CDH4: variants seen among roughly 807,000 people sequenced by gnomAD.
The protein encoded by CDH4 is cadherin-4.
Under a neutral mutation model 86.0 loss-of-function variants are expected in CDH4, and 33 were observed. The ratio of observed to expected loss-of-function variants is 0.38; its 90% CI spans 0.29 to 0.51. The LOEUF (loss-of-function observed/expected upper bound fraction) is 0.51, where lower values mean the gene tolerates loss of function less well. Ranked by LOEUF, CDH4 falls within the 20% of genes least tolerant of loss-of-function variation. The pLI is 0.86. For synonymous variants in CDH4, 555 were observed against 549.4 expected, an observed-to-expected ratio of 1.01 and a Z score of -0.14; for missense variants, 1,114 against 1,307.4, an observed-to-expected ratio of 0.85 and a Z score of 2.28.
At chr20:61,274,259 A>T (rs1318697365) in intron 2 of CDH4, among the ~76,000 whole-genome samples, 1 of 115,712 alleles carries the variant, frequency 8.6e-6, no homozygotes, top group Non-Finnish European at 1.6e-5. Flanking sequence ...AGTTTGGGGG[A>T]GTACCATGTG....
At chr20:61,750,529 C>T (rs2088479687) in intron 3 of CDH4, among the ~76,000 whole-genome samples, 1 of 152,172 alleles carries the variant, frequency 6.6e-6, no homozygotes, top group African/African-American at 2.4e-5. Flanking sequence ...CCCAAGCTGT[C>T]AGGAAAAATT....
intron 2 of CDH4, among the ~76,000 whole-genome samples, chr20:61,296,688 G>A (rs2427045): frequency 0.79 from 120,570 of 152,116 alleles, 49,002 homozygotes; most frequent in Non-Finnish European, 0.88. Flanking sequence ...ACACGAAACT[G>A]GTGTCCCAGG....
At position 61,546,505 on chromosome 20, in the gene CDH4, C is replaced by G. The variant is rs1328384765; in HGVS notation, c.170-197058C>G. Among the ~76,000 whole-genome samples the G allele has an allele frequency of 3.3e-5, 5 of 151,780 alleles. No individual in the cohort carries two copies. In the East Asian group the frequency reaches 9.8e-4, roughly 30 times the overall value. On this transcript the variant is annotated intron_variant, in intron 2 of 15. Coordinates refer to ENST00000614565, the MANE Select transcript of CDH4 (RefSeq NM_001794.5). ...CTCGCAACATTTTGTAAAGGCCTCGCCTCAAGCACTTCCTTAACTCAACTC... is the reference window on the plus strand; with the variant it reads ...CTCGCAACATTTTGTAAAGGCCTCGGCTCAAGCACTTCCTTAACTCAACTC...
intron 2 of CDH4, among the ~76,000 whole-genome samples, chr20:61,673,781 G>A (rs908940123): frequency 2.6e-5 from 4 of 152,166 alleles, no homozygotes; most frequent in African/African-American, 9.7e-5. Flanking sequence ...TGCCCACAGA[G>A]CAAATAACAC....
rs2055011285 is a variant in CDH4, at chr20:61,923,681, C to G, written c.1605C>G (p.Asp535Glu). Reference sequence around the variant, plus strand: ...CCACGTTTTCAGCTGTGGACCCTGACCGGTTCATGCAGCAGGCTGTGAGGT... The same window carrying G: ...CCACGTTTTCAGCTGTGGACCCTGAGCGGTTCATGCAGCAGGCTGTGAGGT... ...VLTTFSAVDP[D>E]RFMQQAVRYS... The change falls in exon 10 of 16, where the codon GAC becomes GAG. Residue 535 changes from aspartate to glutamate, a missense_variant. Physicochemically the swap from Asp to Glu is conservative, Grantham distance 45. Transcript: ENST00000614565. 1 of 1,613,724 alleles carries G rather than the reference C, an allele frequency of 6.2e-7. No individual in the cohort carries two copies. Among genetic ancestry groups the G allele is most frequent in the African/African-American group, 1.3e-5 (1 of 74,948 alleles).
intron 2 of CDH4, among the ~76,000 whole-genome samples, chr20:61,563,235 C>G (rs2086235563): frequency 6.6e-6 from 1 of 152,242 alleles, no homozygotes; most frequent in African/African-American, 2.4e-5. Context: ...AGTCCCCTTG[C>G]CGGCTCCAGG....
intron 2 of CDH4, among the ~76,000 whole-genome samples, chr20:61,452,935 AAC>A (rs2085388484): frequency 6.6e-6 from 1 of 152,210 alleles, no homozygotes; most frequent in African/African-American, 2.4e-5. Context: ...TTCTTATAAT[AAC>A]ACACTTAATA....
intron 2 of CDH4, among the ~76,000 whole-genome samples, chr20:61,576,604 C>T (rs116645294): frequency 0.029 from 4,470 of 152,270 alleles, 208 homozygotes; most frequent in African/African-American, 0.093. Context: ...CTATCCCTCA[C>T]GTGAGGCAGA....
intron 2 of CDH4, among the ~76,000 whole-genome samples, chr20:61,664,452 G>A (rs1374804208): frequency 6.6e-6 from 1 of 152,204 alleles, no homozygotes; most frequent in Admixed American, 6.5e-5. Context: ...TGAACACCGC[G>A]GCCTTTGCAG....
At chr20:61,866,392 T>C (rs1345430582) in intron 6 of CDH4, among the ~76,000 whole-genome samples, 1 of 152,206 alleles carries the variant, frequency 6.6e-6, no homozygotes, top group African/African-American at 2.4e-5. Context: ...GTTTTGTGTA[T>C]GCACAGCTAA....
chr20:61,265,925 G>A (rs1349758905), intron 2 of CDH4, among the ~76,000 whole-genome samples: 2 of 152,218 alleles, frequency 1.3e-5, no homozygotes, highest in Admixed American at 6.5e-5. Flanking sequence ...GTCCCTTGTG[G>A]GTCCTGAGGT....
In CDH4 at chr20:61,480,281, C is replaced by G. The variant is rs1310323823; in HGVS notation, c.169+225344C>G. On this transcript the variant is annotated intron_variant, in intron 2 of 15. Transcript: ENST00000614565. The surrounding 1 kb of genome is among the most constrained non-coding windows in gnomAD (Gnocchi z 5.2). ...GCCTGGAAACTCCCCAAGCGGAAGC[C>G]GGGGCAGCTGTGGCGCCCCCTGGCT... Among the ~76,000 whole-genome samples the G allele has an allele frequency of 6.6e-6, 1 of 152,138 alleles. No homozygotes were observed. Among genetic ancestry groups the G allele is most frequent in the Admixed American group, 6.5e-5 (1 of 15,278 alleles).
chr20:61,924,299 A>G, intron 10 of CDH4, 35 bp from the exon 11 acceptor site: 1 of 597,888 alleles, frequency 1.7e-6, no homozygotes, highest in South Asian at 2.5e-5. Flanking sequence ...GCCCACCCCC[A>G]GCCTTACCTC....
At chr20:61,285,454 G>A (rs967444388) in intron 2 of CDH4, among the ~76,000 whole-genome samples, 1 of 152,244 alleles carries the variant, frequency 6.6e-6, no homozygotes, top group Non-Finnish European at 1.5e-5. Context: ...GTGAGCCACA[G>A]CACCCAGGTA....
intron 4 of CDH4, among the ~76,000 whole-genome samples, chr20:61,826,024 C>T (rs1981294957): frequency 6.6e-6 from 1 of 152,188 alleles, no homozygotes; most frequent in Non-Finnish European, 1.5e-5. Flanking sequence ...AGCCACCATC[C>T]TATGTTATTG....
chr20:61,867,548 C>CAAAA (rs3079324), intron 6 of CDH4, among the ~76,000 whole-genome samples: 3 of 88,028 alleles, frequency 3.4e-5, no homozygotes, highest in African/African-American at 1.2e-4. Context: ...AGACTCCATC[C>CAAAA]AAAAAAAAAA....
intron 4 of CDH4, among the ~76,000 whole-genome samples, chr20:61,793,580 G>T (rs963131885): frequency 4.0e-5 from 6 of 151,852 alleles, no homozygotes; most frequent in Non-Finnish European, 7.4e-5. Flanking sequence ...AGTGGCTCAC[G>T]CCTGTAATCC....
At chr20:61,763,755 T>G (rs986300451) in intron 3 of CDH4, among the ~76,000 whole-genome samples, 7 of 152,138 alleles carry the variant, frequency 4.6e-5, no homozygotes, top group South Asian at 2.1e-4. Flanking sequence ...TCTGAGTGTT[T>G]TAGCATTCCC....
At chr20:61,489,013 C>T (rs570173566) in intron 2 of CDH4, among the ~76,000 whole-genome samples, 10 of 152,272 alleles carry the variant, frequency 6.6e-5, no homozygotes, top group African/African-American at 1.2e-4. Context: ...CACTTCAATG[C>T]GTTACTGTGC....
Sources: gnomAD v4.1 joint callset for allele counts (sites outside exome capture counted in the v4.1 genomes callset) on GRCh38, gnomAD v4.1.1 for gene constraint, Gnocchi (gnomAD v3.1) non-coding constraint, MANE v1.5 for transcripts, NCBI Gene and HGNC (gene_info 2026-07-23, HGNC 2026-07-21) for gene names.